PLEKHM3: variants seen among roughly 807,000 people sequenced by gnomAD.
PLEKHM3 encodes the protein pleckstrin homology domain-containing family M member 3.
A neutral mutation model predicts 81.8 loss-of-function variants in PLEKHM3; 45 were observed. The observed-to-expected ratio is 0.55, with a 90% CI of 0.43 to 0.71. The LOEUF is 0.71. Ranked by LOEUF, PLEKHM3 falls within the 30% of genes least tolerant of loss-of-function variation. The pLI is 0.00. For missense variants in PLEKHM3, 788 were observed against 924.3 expected (o/e 0.85, Z 1.91); for synonymous variants, 352 against 356.4 (o/e 0.99, Z 0.14).
intron 4 of PLEKHM3, among the ~76,000 whole-genome samples, chr2:207,935,280 C>G (rs1689713016): frequency 6.6e-6 from 1 of 152,114 alleles, no homozygotes; most frequent in Non-Finnish European, 1.5e-5. Context: ...CGAAGAAAAC[C>G]TGCTTAACCC....
intron 7 of PLEKHM3, among the ~76,000 whole-genome samples, chr2:207,840,799 GTTTTTTTTTTTTTT>G (rs1221570591): frequency 9.1e-6 from 1 of 109,796 alleles, no homozygotes; most frequent in South Asian, 2.9e-4. Flanking sequence ...CACTTTTTAT[GTTTTTTTTTTTTTT>G]TTTTTTTTTG....
chr2:207,847,531 G>T (rs1266796672), intron 7 of PLEKHM3, among the ~76,000 whole-genome samples: 1 of 152,166 alleles, frequency 6.6e-6, no homozygotes, highest in African/African-American at 2.4e-5. Context: ...GAGCTGTCTG[G>T]GCTTCAAGTT....
At chr2:207,981,845 A>G (rs910933938) in intron 2 of PLEKHM3, among the ~76,000 whole-genome samples, 1 of 152,270 alleles carries the variant, frequency 6.6e-6, no homozygotes, top group African/African-American at 2.4e-5. Context: ...AATTTGATAA[A>G]TGAATAATAT....
At chr2:207,857,361 A>AT (rs920930707) in intron 7 of PLEKHM3, among the ~76,000 whole-genome samples, 42 of 149,648 alleles carry the variant, frequency 2.8e-4, no homozygotes, top group East Asian at 1.6e-3. Flanking sequence ...GAGTTTGGCA[A>AT]TTTTTTTTTT....
chr2:207,958,277 G>T, intron 3 of PLEKHM3, among the ~76,000 whole-genome samples: 1 of 152,148 alleles, frequency 6.6e-6, no homozygotes, highest in East Asian at 1.9e-4. Context: ...AGTAACATCT[G>T]CTCCAAGCTT....
intron 5 of PLEKHM3, among the ~76,000 whole-genome samples, chr2:207,924,548 G>C (rs1047035682): frequency 2.6e-5 from 4 of 152,144 alleles, no homozygotes; most frequent in East Asian, 1.9e-4. Context: ...GCCAGGTGTG[G>C]TGGCACATGC....
intron 3 of PLEKHM3, among the ~76,000 whole-genome samples, chr2:207,954,253 G>T (rs1431159459): frequency 6.6e-6 from 1 of 152,168 alleles, no homozygotes; most frequent in Non-Finnish European, 1.5e-5. Flanking sequence ...CTACTTTGGA[G>T]GCTGAGGCAG....
At chr2:207,880,529 C>T (rs1367966740) in intron 6 of PLEKHM3, among the ~76,000 whole-genome samples, 6 of 150,478 alleles carry the variant, frequency 4.0e-5, no homozygotes, top group Admixed American at 2.0e-4. Flanking sequence ...TTTGGGAGGC[C>T]GAGACGGGCG....
intron 5 of PLEKHM3, among the ~76,000 whole-genome samples, chr2:207,909,628 T>A (rs529326501): frequency 1.8e-4 from 28 of 152,202 alleles, no homozygotes; most frequent in Non-Finnish European, 3.4e-4. Context: ...GGTCCATATT[T>A]TTTGAGTAGT....
intron 4 of PLEKHM3, among the ~76,000 whole-genome samples, chr2:207,941,196 C>A (rs1441076624): frequency 6.6e-6 from 1 of 152,184 alleles, no homozygotes; most frequent in African/African-American, 2.4e-5. Flanking sequence ...CCCTTTCCCA[C>A]CTACTTGCTC....
intron 1 of PLEKHM3, among the ~76,000 whole-genome samples, chr2:208,008,362 C>A (rs1692568001): frequency 6.6e-6 from 1 of 151,652 alleles, no homozygotes; most frequent in South Asian, 2.1e-4. Context: ...CAGTCATGAT[C>A]TCATAACTCA....
chr2:207,896,414 C>A (rs1688224041), intron 6 of PLEKHM3, among the ~76,000 whole-genome samples: 1 of 152,116 alleles, frequency 6.6e-6, no homozygotes, highest in Non-Finnish European at 1.5e-5. Flanking sequence ...GGAAAATAAT[C>A]CCTACCCGGG....
In PLEKHM3 at chr2:207,904,433, T is replaced by C. The variant is rs752384980; in HGVS notation, c.1950+4081A>G. 7.6e-4 allele frequency among the ~76,000 whole-genome samples: 115 copies of C among 152,310 alleles called. 1 individual carries two copies. The Middle Eastern group carries it at 0.017, about 23-fold the overall frequency. On this transcript the variant is annotated intron_variant, in intron 6 of 7. Transcript: ENST00000427836. ...TTACTTGGCTCCATTTTACACGTTA[T>C]GGCTAAACGCTACCAACTGACTGTA...
intron 7 of PLEKHM3, among the ~76,000 whole-genome samples, chr2:207,860,216 T>G (rs1426149086): frequency 2.0e-5 from 3 of 149,868 alleles, no homozygotes; most frequent in Non-Finnish European, 4.5e-5. Flanking sequence ...TATCTGCATG[T>G]CTATGTGTTT....
At chr2:207,866,348 G>GGA (rs573212361) in intron 6 of PLEKHM3, among the ~76,000 whole-genome samples, 151 of 152,204 alleles carry the variant, frequency 9.9e-4, no homozygotes, top group African/African-American at 3.1e-3. Flanking sequence ...GTAGAGGTGG[G>GGA]GTTTCACCAT....
At chr2:207,922,702 C>T (rs1219414107) in intron 5 of PLEKHM3, among the ~76,000 whole-genome samples, 1 of 152,034 alleles carries the variant, frequency 6.6e-6, no homozygotes, top group African/African-American at 2.4e-5. Context: ...GTCCCAGTTA[C>T]TCGGGAGGCT....
intron 4 of PLEKHM3, among the ~76,000 whole-genome samples, chr2:207,942,813 T>C (rs1440982531): frequency 3.3e-5 from 5 of 152,076 alleles, no homozygotes; most frequent in African/African-American, 9.7e-5. Flanking sequence ...GGCATGAGAA[T>C]CACTTGAACC....
intron 5 of PLEKHM3, among the ~76,000 whole-genome samples, chr2:207,924,529 C>A (rs1004040147): frequency 6.6e-6 from 1 of 152,022 alleles, no homozygotes; most frequent in African/African-American, 2.4e-5. Flanking sequence ...ACTAAAAATA[C>A]AAAAATTAGC....
chr2:207,872,947 T>G (rs778543909), intron 6 of PLEKHM3, among the ~76,000 whole-genome samples: 3 of 152,160 alleles, frequency 2.0e-5, no homozygotes, highest in Non-Finnish European at 4.4e-5. Context: ...AGCAACTCCC[T>G]GTATGTACGT....
Sources: allele counts gnomAD v4.1 joint callset (sites outside exome capture counted in the v4.1 genomes callset), GRCh38; gene constraint gnomAD v4.1.1; transcripts MANE v1.5; gene names NCBI Gene and HGNC (gene_info 2026-07-23, HGNC 2026-07-21).